ASTN2: variants seen among roughly 807,000 people sequenced by gnomAD.
The protein encoded by ASTN2 is astrotactin 2.
In ASTN2, 54 loss-of-function variants were observed where a neutral mutation model predicts 139.8. The ratio of observed to expected loss-of-function variants is 0.39; its 90% CI spans 0.31 to 0.48. The LOEUF (loss-of-function observed/expected upper bound fraction) is 0.48. ASTN2 is among the 20% of genes least tolerant of loss of function. The pLI, the probability that ASTN2 is intolerant of heterozygous loss-of-function variation, is 0.95. For missense variants in ASTN2, 1,565 were observed against 1,725.1 expected, an observed-to-expected ratio of 0.91 and a Z score of 1.64; for synonymous variants, 756 against 719.5, an observed-to-expected ratio of 1.05 and a Z score of -0.81.
chr9:116,989,934 A>G (rs1836801688), intron 7 of ASTN2, among the ~76,000 whole-genome samples: 1 of 151,700 alleles, frequency 6.6e-6, no homozygotes, highest in Non-Finnish European at 1.5e-5. Flanking sequence ...TGTTTTTGTC[A>G]CAGCCTCGGT....
At position 116,677,540 on chromosome 9, in the gene ASTN2, T is replaced by G. The variant is rs528217981; in HGVS notation, c.2807-25747A>C. On this transcript the variant is annotated intron_variant, in intron 16 of 22. Coordinates refer to ENST00000313400, the MANE Select transcript of ASTN2 (RefSeq NM_001365068.1). ...GCACTTATGGAGGGATACTTGACTT[T>G]TTGCACACTTGGATCAGAGAAGCAT... Among the ~76,000 whole-genome samples, 4 of 152,254 alleles carry G rather than the reference T, an allele frequency of 2.6e-5. No homozygotes were observed. In the South Asian group the frequency reaches 6.2e-4, roughly 24 times the overall value.
At chr9:117,225,537 A>ATGTATATATATATATATATATATATATC (rs1460719604) in intron 2 of ASTN2, among the ~76,000 whole-genome samples, 1 of 24,424 alleles carries the variant, frequency 4.1e-5, no homozygotes, top group Non-Finnish European at 6.9e-5. Flanking sequence ...AGCTGTATGT[A>ATGTATATATATATATATATATATATATC]TATATATATA....
intron 17 of ASTN2, among the ~76,000 whole-genome samples, chr9:116,637,754 C>T (rs1857141907): frequency 6.6e-6 from 1 of 152,162 alleles, no homozygotes; most frequent in Non-Finnish European, 1.5e-5. Context: ...GCCTGGAAAA[C>T]ATGGCAAAAC....
chr9:117,298,670 G>GTATATATATA lies in ASTN2; in HGVS notation c.443-7167_443-7158dup, dbSNP rs148601803. On this transcript the variant is annotated intron_variant, in intron 1 of 22. Transcript: ENST00000313400. ...TCTTGGTGTGTGTATATATATATGT[G>GTATATATATA]TATATATATATATATATATATGTGC... Among the ~76,000 whole-genome samples the GTATATATATA allele has an allele frequency of 4.8e-3, 660 of 136,450 alleles. 8 individuals are homozygous for GTATATATATA. Among genetic ancestry groups the GTATATATATA allele is most frequent in the African/African-American group, 0.016 (567 of 36,410 alleles). The allele number at this position is 136,450 out of a possible 152,430, so 89.5% of individuals were successfully genotyped here.
intron 5 of ASTN2, among the ~76,000 whole-genome samples, chr9:117,054,483 A>G (rs1218089964): frequency 6.6e-6 from 1 of 152,234 alleles, no homozygotes; most frequent in South Asian, 2.1e-4. Flanking sequence ...TTCAATGTCC[A>G]GTGAGGTAGT....
chr9:117,202,915 A>G (rs1022067839), intron 3 of ASTN2, among the ~76,000 whole-genome samples: 1 of 152,118 alleles, frequency 6.6e-6, no homozygotes, highest in Non-Finnish European at 1.5e-5. Context: ...CTGAATATAT[A>G]TCCTGAGGTG....
At chr9:117,039,797 A>T (rs1838498868) in intron 6 of ASTN2, 22 bp downstream of exon 6, 1 of 1,609,370 alleles carries the variant, frequency 6.2e-7, no homozygotes, top group Non-Finnish European at 8.5e-7. Context: ...GGTGTGGAGC[A>T]TCTGCAATGC....
chr9:117,011,839 G>C (rs973756837), intron 6 of ASTN2, among the ~76,000 whole-genome samples: 1 of 152,166 alleles, frequency 6.6e-6, no homozygotes, highest in East Asian at 1.9e-4. Context: ...TTCAGCCTTC[G>C]AAGCTGGAAC....
intron 16 of ASTN2, among the ~76,000 whole-genome samples, chr9:116,677,254 C>T (rs1024630279): frequency 6.6e-6 from 1 of 151,970 alleles, no homozygotes; most frequent in African/African-American, 2.4e-5. Context: ...ACTAAGATAA[C>T]TTCTCATAGC....
intron 5 of ASTN2, among the ~76,000 whole-genome samples, chr9:117,095,155 T>C (rs1192883288): frequency 6.6e-6 from 1 of 152,188 alleles, no homozygotes; most frequent in Non-Finnish European, 1.5e-5. Context: ...GTAAAGCCCA[T>C]GGATGGATCT....
At chr9:116,428,983 T>C (rs1167499896) in intron 22 of ASTN2, among the ~76,000 whole-genome samples, 1 of 152,192 alleles carries the variant, frequency 6.6e-6, no homozygotes, top group African/African-American at 2.4e-5. Context: ...GGAGCTGAAC[T>C]GTTTAAAAAT....
At chr9:117,345,166 C>T (rs938089113) in intron 1 of ASTN2, among the ~76,000 whole-genome samples, 1 of 152,102 alleles carries the variant, frequency 6.6e-6, no homozygotes, top group Non-Finnish European at 1.5e-5. Flanking sequence ...ATTGAATCCT[C>T]CAGCCAGCAA....
At chr9:117,097,635 G>A (rs906375424) in intron 4 of ASTN2, among the ~76,000 whole-genome samples, 1 of 152,102 alleles carries the variant, frequency 6.6e-6, no homozygotes, top group African/African-American at 2.4e-5. Flanking sequence ...GGGAACAGAG[G>A]GAGGCTACTT....
rs749903497 is a variant in ASTN2 at position 116,698,751 on chromosome 9, A to G, written c.2806+27020T>C. On this transcript the variant is annotated intron_variant, in intron 16 of 22. Transcript: ENST00000313400. The surrounding 1 kb of genome is among the most constrained non-coding windows in gnomAD (Gnocchi z 4.4). ...CCCGGAGGAAGTGGTTGCCAGCCCT[A>G]GGGCCTCACCTGCTAAACAGCGGGG... is the stretch of plus-strand genomic sequence containing the variant. 13 of 1,614,062 alleles carry G rather than the reference A, an allele frequency of 8.1e-6. No individual in the cohort carries two copies. Among genetic ancestry groups the G allele is most frequent in the Middle Eastern group, 1.6e-4 (1 of 6,084 alleles).
At chr9:116,535,353 C>A (rs912006487) in intron 19 of ASTN2, among the ~76,000 whole-genome samples, 14 of 152,088 alleles carry the variant, frequency 9.2e-5, no homozygotes, top group Admixed American at 3.3e-4. Flanking sequence ...AGCATTTAGC[C>A]CATTTACATT....
At chr9:117,224,005 C>T (rs533598527) in intron 2 of ASTN2, among the ~76,000 whole-genome samples, 3 of 152,274 alleles carry the variant, frequency 2.0e-5, no homozygotes, top group African/African-American at 4.8e-5. Context: ...CCACCCACTA[C>T]CCCCCAGCTC....
chr9:116,687,347 C>G (rs1385407274), intron 16 of ASTN2: 18 of 868,434 alleles, frequency 2.1e-5, no homozygotes, highest in Non-Finnish European at 2.3e-5. Flanking sequence ...GGGTGGGCTG[C>G]CGGCGGTGGA....
rs1832949834 is a variant in ASTN2, at chr9:116,863,619, A to G, written c.2004T>C (p.Cys668=). ...NNGGCTRNFK[C]VSDRQVDSSG... is the part of the protein sequence containing the mutation. ...AGGAATCCACCTGCCGGTCAGACAC[A>G]CACTTGAAGTTGCGAGTGCAGCCCC... Residue 668 remains cysteine, a synonymous_variant, in exon 11 of 23, where the codon TGT becomes TGC. Coordinates refer to ENST00000313400, the MANE Select transcript of ASTN2 (RefSeq NM_001365068.1). 6.2e-7 allele frequency: 1 copy of G among 1,614,156 alleles called. No homozygotes were observed. Among genetic ancestry groups the G allele is most frequent in the Admixed American group, 1.7e-5 (1 of 60,022 alleles).
chr9:116,761,588 G>C (rs746097121), intron 13 of ASTN2, among the ~76,000 whole-genome samples: 9 of 152,162 alleles, frequency 5.9e-5, no homozygotes, highest in African/African-American at 1.4e-4. Flanking sequence ...ACAAAGTCAA[G>C]TAGGCATGAG....
Sources: allele counts gnomAD v4.1 joint callset (sites outside exome capture counted in the v4.1 genomes callset), GRCh38; gene constraint gnomAD v4.1.1; non-coding constraint Gnocchi (gnomAD v3.1); transcripts MANE v1.5; gene names NCBI Gene and HGNC (gene_info 2026-07-23, HGNC 2026-07-21).